Variants in AIG1 observed in about 807,000 individuals in gnomAD.
AIG1 encodes the protein androgen-induced gene 1 protein.
In AIG1, 23 loss-of-function variants were observed where a neutral mutation model predicts 31.4. The observed-to-expected ratio is 0.73, with a 90% CI of 0.53 to 1.04. The LOEUF (loss-of-function observed/expected upper bound fraction) is 1.04, where lower values mean the gene tolerates loss of function less well. Ranked by LOEUF, AIG1 falls within the 50% of genes least tolerant of loss-of-function variation. The pLI, the probability that AIG1 is intolerant of heterozygous loss-of-function variation, is 0.00. For missense variants in AIG1, 274 were observed against 295.0 expected (o/e 0.93, Z 0.52); for synonymous variants, 100 against 110.5 (o/e 0.90, Z 0.60).
chr6:143,205,110 T>G (rs1319398642), intron 3 of AIG1, among the ~76,000 whole-genome samples: 2 of 152,286 alleles, frequency 1.3e-5, no homozygotes, highest in East Asian at 1.9e-4. Flanking sequence ...CACACCAAAC[T>G]CTGGTGTAGT....
At chr6:143,163,686 G>A (rs912433844) in intron 2 of AIG1, among the ~76,000 whole-genome samples, 1 of 152,138 alleles carries the variant, frequency 6.6e-6, no homozygotes, top group Non-Finnish European at 1.5e-5. Context: ...CACTCTTTGT[G>A]CTCAGCTCTA....
chr6:143,317,447 A>G (rs1448000491), intron 4 of AIG1, among the ~76,000 whole-genome samples: 3 of 152,132 alleles, frequency 2.0e-5, no homozygotes, highest in Non-Finnish European at 4.4e-5. Flanking sequence ...AGTTGACAAA[A>G]TCCAGCATCC....
At chr6:143,179,748 T>C (rs1788546906) in intron 3 of AIG1, among the ~76,000 whole-genome samples, 1 of 152,250 alleles carries the variant, frequency 6.6e-6, no homozygotes, top group Non-Finnish European at 1.5e-5. Flanking sequence ...TCTTTTTGTA[T>C]AAATACTAAG....
rs141819938 is a variant in AIG1, at chr6:143,081,734, G to A, written c.141+20668G>A. 2.8e-3 allele frequency among the ~76,000 whole-genome samples: 430 copies of A among 152,188 alleles called. 4 individuals are homozygous for A. The highest frequency in any genetic ancestry group is 9.9e-3 in the African/African-American group (410 of 41,506). On this transcript the variant is annotated intron_variant, in intron 1 of 5. Coordinates refer to ENST00000357847, the MANE Select transcript of AIG1 (RefSeq NM_016108.4). Reference sequence around the variant, plus strand: ...TTTAAGTAATTTCCATTGGTTAGCTGCAGGCAAAAGTATTTTTTCTTTGGT... The same window carrying A: ...TTTAAGTAATTTCCATTGGTTAGCTACAGGCAAAAGTATTTTTTCTTTGGT...
intron 3 of AIG1, among the ~76,000 whole-genome samples, chr6:143,260,086 C>T (rs9496544): frequency 0.057 from 7,889 of 137,840 alleles, 535 homozygotes; most frequent in African/African-American, 0.17. Flanking sequence ...TGCAGTGGTG[C>T]GATCTCGGCT....
intron 3 of AIG1, among the ~76,000 whole-genome samples, chr6:143,246,409 C>T (rs970312880): frequency 2.6e-4 from 39 of 152,134 alleles, no homozygotes; most frequent in Non-Finnish European, 4.4e-5. Flanking sequence ...TGCAGGGAAA[C>T]TCCCCCTTAT....
At chr6:143,132,000 A>G (rs1349764172) in intron 1 of AIG1, among the ~76,000 whole-genome samples, 1 of 152,192 alleles carries the variant, frequency 6.6e-6, no homozygotes, top group Non-Finnish European at 1.5e-5. Flanking sequence ...GTCAACTAAT[A>G]TTATACAACT....
At chr6:143,161,641 A>G (rs1786393541) in intron 2 of AIG1, among the ~76,000 whole-genome samples, 1 of 151,792 alleles carries the variant, frequency 6.6e-6, no homozygotes, top group Non-Finnish European at 1.5e-5. Flanking sequence ...TTCAAAATCA[A>G]CTGATATAAT....
intron 3 of AIG1, among the ~76,000 whole-genome samples, chr6:143,203,007 A>AGT (rs1790825495): frequency 6.6e-6 from 1 of 152,184 alleles, no homozygotes; most frequent in African/African-American, 2.4e-5. Context: ...CAGCAAAAGC[A>AGT]GTGTGGGTAG....
intron 1 of AIG1, among the ~76,000 whole-genome samples, chr6:143,089,368 G>A (rs1190036235): frequency 6.6e-6 from 1 of 152,092 alleles, no homozygotes; most frequent in African/African-American, 2.4e-5. Flanking sequence ...GTTACACTTA[G>A]TTTGAATCCC....
intron 1 of AIG1, among the ~76,000 whole-genome samples, chr6:143,102,533 T>C (rs1780387929): frequency 6.8e-6 from 1 of 147,190 alleles, no homozygotes; most frequent in Admixed American, 6.8e-5. Context: ...ATATGTAAAA[T>C]ATATAATATA....
chr6:143,210,282 A>T (rs551710349), intron 3 of AIG1, among the ~76,000 whole-genome samples: 1 of 152,328 alleles, frequency 6.6e-6, no homozygotes, highest in Non-Finnish European at 1.5e-5. Flanking sequence ...TTTTTCCTTT[A>T]TAAGTTACCC....
At chr6:143,073,552 C>T (rs539700387) in intron 1 of AIG1, among the ~76,000 whole-genome samples, 3 of 152,138 alleles carry the variant, frequency 2.0e-5, no homozygotes, top group Admixed American at 6.6e-5. Context: ...TCTTTTTTGA[C>T]GTTTTGATAA....
chr6:143,339,089 T>C (rs1777719354), intron 5 of AIG1: 1 of 152,224 alleles, frequency 6.6e-6, no homozygotes, highest in Non-Finnish European at 1.5e-5. Flanking sequence ...AGAGAGAGAA[T>C]TGCAGTTTAA....
intron 3 of AIG1, chr6:143,187,862 G>A: frequency 7.0e-7 from 1 of 1,425,898 alleles, no homozygotes. Context: ...GTACAGAAGG[G>A]TATCCGCAGC....
chr6:143,308,583 T>A lies in AIG1; in HGVS notation c.515+24358T>A, dbSNP rs558805592. Among the ~76,000 whole-genome samples, 3 of 152,360 alleles carry A rather than the reference T, an allele frequency of 2.0e-5. 1 individual carries two copies. The South Asian group carries it at 6.2e-4, about 32-fold the overall frequency. On this transcript the variant is annotated intron_variant, in intron 4 of 5. Transcript: ENST00000357847. ...CATGTGGGGGCTTTGTTATGCTGTCTGGCTTGTTCTGAGGTCAACAGGGAA... is the reference window on the plus strand; with the variant it reads ...CATGTGGGGGCTTTGTTATGCTGTCAGGCTTGTTCTGAGGTCAACAGGGAA...
chr6:143,216,870 G>A (rs1264343994), intron 3 of AIG1, among the ~76,000 whole-genome samples: 1 of 152,202 alleles, frequency 6.6e-6, no homozygotes, highest in African/African-American at 2.4e-5. Context: ...AGACTCAAGT[G>A]ACAAGGAAGC....
intron 2 of AIG1, among the ~76,000 whole-genome samples, chr6:143,153,369 A>T (rs1335959126): frequency 6.6e-6 from 1 of 152,124 alleles, no homozygotes; most frequent in Non-Finnish European, 1.5e-5. Context: ...TATTTTTGAG[A>T]TGGAGTCTCG....
intron 4 of AIG1, among the ~76,000 whole-genome samples, chr6:143,307,965 G>A (rs1295440031): frequency 6.6e-6 from 1 of 152,244 alleles, no homozygotes; most frequent in Admixed American, 6.5e-5. Context: ...TCAGACTGCT[G>A]TGCTAGCAAT....
Sources: allele counts gnomAD v4.1 joint callset (sites outside exome capture counted in the v4.1 genomes callset), GRCh38; gene constraint gnomAD v4.1.1; transcripts MANE v1.5; gene names NCBI Gene and HGNC (gene_info 2026-07-23, HGNC 2026-07-21).